The following NRXN3 variants were observed in gnomAD, a reference collection of about 807,000 sequenced individuals.
The protein encoded by NRXN3 is neurexin III.
In NRXN3, 32 loss-of-function variants were observed where a neutral mutation model predicts 137.6. That is an observed-to-expected ratio of 0.23 (90% CI 0.18 to 0.31). The LOEUF is 0.31. Ranked by LOEUF, NRXN3 falls within the 10% of genes least tolerant of loss-of-function variation. The pLI, the probability that NRXN3 is intolerant of heterozygous loss-of-function variation, is 1.00. For synonymous variants in NRXN3, 798 were observed against 784.5 expected, an observed-to-expected ratio of 1.02 and a Z score of -0.29; for missense variants, 1,574 against 2,062.5, an observed-to-expected ratio of 0.76 and a Z score of 4.59.
At chr14:78,954,731 C>G (rs2099393456) in intron 10 of NRXN3, among the ~76,000 whole-genome samples, 1 of 146,758 alleles carries the variant, frequency 6.8e-6, no homozygotes, top group African/African-American at 2.5e-5. Context: ...TCCCAAAGTT[C>G]TGGGATTACA....
At chr14:79,343,368 G>A (rs962868464) in intron 15 of NRXN3, among the ~76,000 whole-genome samples, 1 of 152,132 alleles carries the variant, frequency 6.6e-6, no homozygotes, top group Non-Finnish European at 1.5e-5. Flanking sequence ...CTACCCCCAG[G>A]AATGAACAAG....
At chr14:79,838,208 G>A (rs946765747) in intron 20 of NRXN3, among the ~76,000 whole-genome samples, 6 of 152,022 alleles carry the variant, frequency 3.9e-5, no homozygotes, top group African/African-American at 1.2e-4. Flanking sequence ...ACTCATAAAC[G>A]TTTTAATTTT....
intron 15 of NRXN3, among the ~76,000 whole-genome samples, chr14:79,222,465 T>A (rs1011585483): frequency 6.6e-6 from 1 of 152,192 alleles, no homozygotes; most frequent in Non-Finnish European, 1.5e-5. Context: ...TGGGCAATTA[T>A]GAATAAAGCT....
At chr14:79,376,620 A>G (rs1003319150) in intron 15 of NRXN3, among the ~76,000 whole-genome samples, 1 of 152,150 alleles carries the variant, frequency 6.6e-6, no homozygotes, top group African/African-American at 2.4e-5. Flanking sequence ...GGCATTGTAT[A>G]AAGATGAGAT....
At chr14:78,216,842 C>T (rs2063336757) in intron 1 of NRXN3, among the ~76,000 whole-genome samples, 1 of 152,126 alleles carries the variant, frequency 6.6e-6, no homozygotes, top group Non-Finnish European at 1.5e-5. Flanking sequence ...TACCGGCAAT[C>T]CTTGGCGTTC....
At chr14:78,203,816 GTGTGTGTGTGTGTGTGTGTGTGGTT>G (rs1279980423) in intron 1 of NRXN3, among the ~76,000 whole-genome samples, 9 of 97,730 alleles carry the variant, frequency 9.2e-5, no homozygotes, top group African/African-American at 2.2e-4. Context: ...GTGTGTGTGT[GTGTGTGTGTGTGTGTGTGTGTGGTT>G]TGTGTGTGTG....
intron 9 of NRXN3, among the ~76,000 whole-genome samples, chr14:78,810,115 A>G (rs554595532): frequency 1.3e-5 from 2 of 151,616 alleles, no homozygotes; most frequent in African/African-American, 2.4e-5. Context: ...GTGTGTGTGT[A>G]TATATATATG....
At position 79,067,499 on chromosome 14, in the gene NRXN3, T is replaced by C. The variant is rs999304588; in HGVS notation, c.3262+79358T>C. ...CCTCATAGAATGAGTTAGGGAGGAGTCCCTCCTCTTCAATTTTTTGAATAG... is the reference window on the plus strand; with the variant it reads ...CCTCATAGAATGAGTTAGGGAGGAGCCCCTCCTCTTCAATTTTTTGAATAG... On this transcript the variant is annotated intron_variant, in intron 15 of 20. Coordinates refer to ENST00000335750, the MANE Select transcript of NRXN3 (RefSeq NM_001330195.2). Among the ~76,000 whole-genome samples the C allele has an allele frequency of 2.0e-5, 3 of 152,050 alleles. No individual in the cohort carries two copies. The South Asian group carries it at 6.2e-4, about 32-fold the overall frequency.
chr14:79,596,369 G>A (rs2097858666), intron 16 of NRXN3, among the ~76,000 whole-genome samples: 1 of 152,154 alleles, frequency 6.6e-6, no homozygotes, highest in South Asian at 2.1e-4. Context: ...TAATAGGGAA[G>A]TTTTAGATAT....
chr14:78,800,239 T>A (rs1344170224), intron 8 of NRXN3, among the ~76,000 whole-genome samples: 1 of 152,184 alleles, frequency 6.6e-6, no homozygotes, highest in Admixed American at 6.5e-5. Flanking sequence ...ACCGCCTGCA[T>A]GCAACTCCCA....
intron 1 of NRXN3, among the ~76,000 whole-genome samples, chr14:78,191,563 G>C (rs988847713): frequency 1.3e-5 from 2 of 152,164 alleles, no homozygotes; most frequent in Admixed American, 6.6e-5. Context: ...CTTTCCCATA[G>C]CTCCCCACCC....
chr14:78,676,202 AAATT>A (rs201905994), intron 6 of NRXN3, among the ~76,000 whole-genome samples: 1,762 of 152,278 alleles, frequency 0.012, 29 homozygotes, highest in African/African-American at 0.04. Context: ...CAAAAGCTAA[AAATT>A]AATAAGTTTA....
chr14:78,278,597 CT>C, intron 2 of NRXN3, 47 bp from the exon 3 acceptor site: 3 of 1,483,056 alleles, frequency 2.0e-6, no homozygotes, highest in Non-Finnish European at 2.7e-6. Flanking sequence ...TTTTTCTCCC[CT>C]TTTCTCTCCT....
intron 15 of NRXN3, among the ~76,000 whole-genome samples, chr14:79,379,657 C>G (rs748341232): frequency 3.9e-5 from 6 of 152,080 alleles, no homozygotes; most frequent in Non-Finnish European, 5.9e-5. Flanking sequence ...GATGTCAGCT[C>G]TCACCATTAA....
intron 6 of NRXN3, among the ~76,000 whole-genome samples, chr14:78,684,554 C>A (rs1164882622): frequency 6.6e-6 from 1 of 152,148 alleles, no homozygotes; most frequent in Non-Finnish European, 1.5e-5. Context: ...CCTGTAATCC[C>A]AGCATTTTGG....
chr14:78,817,812 G>A (rs371678896), intron 10 of NRXN3, among the ~76,000 whole-genome samples: 40 of 151,916 alleles, frequency 2.6e-4, no homozygotes, highest in Admixed American at 5.9e-4. Flanking sequence ...GATTCACCCC[G>A]TGACTCAAAC....
chr14:78,659,430 G>C (rs1326257744), intron 6 of NRXN3, among the ~76,000 whole-genome samples: 1 of 152,128 alleles, frequency 6.6e-6, no homozygotes, highest in Non-Finnish European at 1.5e-5. Flanking sequence ...CATAATTTTA[G>C]CACTTTAGGA....
At chr14:79,736,719 A>G (rs755313164) in intron 19 of NRXN3, among the ~76,000 whole-genome samples, 1 of 152,170 alleles carries the variant, frequency 6.6e-6, no homozygotes, top group African/African-American at 2.4e-5. Context: ...ACAGGTGGTG[A>G]GGATGTCGAG....
chr14:79,212,041 A>G (rs1467989216), intron 15 of NRXN3, among the ~76,000 whole-genome samples: 1 of 151,972 alleles, frequency 6.6e-6, no homozygotes, highest in South Asian at 2.1e-4. Flanking sequence ...TCTTTCTCCA[A>G]TCTTGGCTTA....
Sources: gnomAD v4.1 joint callset for allele counts (sites outside exome capture counted in the v4.1 genomes callset) on GRCh38, gnomAD v4.1.1 for gene constraint, MANE v1.5 for transcripts, NCBI Gene and HGNC (gene_info 2026-07-23, HGNC 2026-07-21) for gene names.